Variants in CLASP2 observed in about 807,000 individuals in gnomAD.
CLASP2 encodes CLIP-associating protein 2.
A neutral mutation model predicts 194.4 loss-of-function variants in CLASP2; 47 were observed. That is an observed-to-expected ratio of 0.24 (90% CI 0.19 to 0.31). The LOEUF (loss-of-function observed/expected upper bound fraction) is 0.31, where lower values mean the gene tolerates loss of function less well. Among genes scored for constraint, CLASP2 ranks in the 10% least tolerant of loss-of-function variants. CLASP2 has a pLI of 1.00. For missense variants in CLASP2, 1,445 were observed against 1,823.6 expected (o/e 0.79, Z 3.78); for synonymous variants, 619 against 633.5 (o/e 0.98, Z 0.34).
intron 34 of CLASP2, among the ~76,000 whole-genome samples, chr3:33,519,272 T>C (rs950403208): frequency 1.6e-4 from 24 of 152,200 alleles, no homozygotes; most frequent in African/African-American, 5.5e-4. Flanking sequence ...GGTAATATTC[T>C]AGAATATTAT....
intron 15 of CLASP2, 134 bp from the exon 16 acceptor site, chr3:33,606,892 C>T (rs1158319815): frequency 1.2e-5 from 8 of 675,632 alleles, no homozygotes; most frequent in Non-Finnish European, 2.0e-5. Context: ...CAGGTGAACA[C>T]TTTCTAAATT....
At chr3:33,663,896 T>A (rs1383270142) in intron 6 of CLASP2, among the ~76,000 whole-genome samples, 1 of 152,110 alleles carries the variant, frequency 6.6e-6, no homozygotes, top group Non-Finnish European at 1.5e-5. Context: ...CATGCCAAAG[T>A]AACTTAAGGC....
intron 7 of CLASP2, among the ~76,000 whole-genome samples, chr3:33,649,732 G>A (rs534451756): frequency 6.6e-6 from 1 of 152,204 alleles, no homozygotes; most frequent in Non-Finnish European, 1.5e-5. Context: ...CTATACCCTC[G>A]AGGTTAAAGT....
intron 16 of CLASP2, among the ~76,000 whole-genome samples, chr3:33,605,077 A>T (rs774234427): frequency 2.6e-4 from 39 of 152,322 alleles, no homozygotes; most frequent in Non-Finnish European, 5.4e-4. Flanking sequence ...GTTTATGTTT[A>T]AAAATGTTAC....
chr3:33,589,449 A>G (rs1352352366), intron 21 of CLASP2, among the ~76,000 whole-genome samples: 1 of 152,162 alleles, frequency 6.6e-6, no homozygotes, highest in Non-Finnish European at 1.5e-5. Context: ...AGTAAGGATG[A>G]TGATCACAGT....
At position 33,588,496 on chromosome 3, in the gene CLASP2, A is replaced by G. The variant is rs540140449; in HGVS notation, c.2069-3576T>C. 2.1e-4 allele frequency among the ~76,000 whole-genome samples: 32 copies of G among 152,290 alleles called. 1 individual carries two copies. The South Asian group carries it at 5.2e-3, about 25-fold the overall frequency. On this transcript the variant is annotated intron_variant, in intron 21 of 38. Transcript: ENST00000682230. ...CTGTTTCTTTTGAATGTTTATATCC[A>G]CGGTATTAACTTGTGTCATTTAAAA...
chr3:33,585,022 G>T, intron 21 of CLASP2, 102 bp from the exon 22 acceptor site: 2 of 987,506 alleles, frequency 2.0e-6, no homozygotes, highest in Non-Finnish European at 2.9e-6. Context: ...AGAAAACTGT[G>T]ACAGTATGGC....
intron 23 of CLASP2, chr3:33,576,497 C>T (rs2064920319): frequency 2.1e-6 from 1 of 474,406 alleles, no homozygotes; most frequent in Non-Finnish European, 3.8e-6. Flanking sequence ...AGAACGGTCA[C>T]TATTCATTTA....
intron 37 of CLASP2, among the ~76,000 whole-genome samples, chr3:33,508,118 C>T (rs1000642254): frequency 3.3e-5 from 5 of 151,836 alleles, no homozygotes; most frequent in African/African-American, 1.2e-4. Context: ...CCTCAGCCTG[C>T]TGAATAGCTG....
intron 6 of CLASP2, among the ~76,000 whole-genome samples, chr3:33,674,946 T>C (rs1428308419): frequency 6.6e-6 from 1 of 152,028 alleles, no homozygotes; most frequent in East Asian, 1.9e-4. Flanking sequence ...CAATAATCAA[T>C]AGCTTACCAA....
At chr3:33,649,279 CTGTGT>C (rs1476696560) in intron 7 of CLASP2, among the ~76,000 whole-genome samples, 4 of 152,176 alleles carry the variant, frequency 2.6e-5, no homozygotes, top group Admixed American at 1.3e-4. Flanking sequence ...GTATCCCTGC[CTGTGT>C]TATTTTTTCC....
At chr3:33,582,393 T>C (rs2066352650) in intron 22 of CLASP2, among the ~76,000 whole-genome samples, 2 of 152,122 alleles carry the variant, frequency 1.3e-5, no homozygotes, top group Non-Finnish European at 2.9e-5. Context: ...AGTGGCTCAT[T>C]CCTGTAATTC....
chr3:33,667,710 A>T (rs2086449234), intron 6 of CLASP2, among the ~76,000 whole-genome samples: 1 of 152,048 alleles, frequency 6.6e-6, no homozygotes, highest in African/African-American at 2.4e-5. Context: ...GCCTGGGGAT[A>T]TCCAGTTTAT....
intron 11 of CLASP2, among the ~76,000 whole-genome samples, chr3:33,620,858 A>G (rs1051007423): frequency 3.9e-5 from 6 of 152,058 alleles, no homozygotes; most frequent in African/African-American, 1.2e-4. Context: ...TCCTACCCCT[A>G]TATGAGCTCT....
intron 16 of CLASP2, 72 bp downstream of exon 16, chr3:33,606,519 G>T: frequency 1.7e-6 from 2 of 1,204,250 alleles, no homozygotes; most frequent in Non-Finnish European, 2.4e-6. Context: ...AGATATTCAA[G>T]TATCCAACTT....
intron 17 of CLASP2, among the ~76,000 whole-genome samples, chr3:33,603,571 G>A (rs1174434578): frequency 1.3e-5 from 2 of 152,144 alleles, no homozygotes; most frequent in Non-Finnish European, 2.9e-5. Flanking sequence ...CCATGGGAAT[G>A]CAAATTAAGT....
chr3:33,681,405 G>C (rs2089838903), intron 6 of CLASP2, among the ~76,000 whole-genome samples: 2 of 152,082 alleles, frequency 1.3e-5, no homozygotes, highest in Admixed American at 1.3e-4. Context: ...CAAATATAAT[G>C]AAACACATCA....
intron 1 of CLASP2, among the ~76,000 whole-genome samples, chr3:33,698,224 A>T (rs2092098453): frequency 6.6e-6 from 1 of 152,204 alleles, no homozygotes; most frequent in Admixed American, 6.5e-5. Flanking sequence ...TCAGTGAAGG[A>T]TATCAAACAC....
At chr3:33,646,078 C>T (rs953180782) in intron 7 of CLASP2, among the ~76,000 whole-genome samples, 2 of 152,000 alleles carry the variant, frequency 1.3e-5, no homozygotes, top group African/African-American at 2.4e-5. Flanking sequence ...CTTTACCACA[C>T]GCTTCAGATG....
Sources: gnomAD v4.1 joint callset for allele counts (sites outside exome capture counted in the v4.1 genomes callset) on GRCh38, gnomAD v4.1.1 for gene constraint, MANE v1.5 for transcripts, NCBI Gene and HGNC (gene_info 2026-07-23, HGNC 2026-07-21) for gene names.